Variants in NUP210 observed in about 807,000 individuals in gnomAD.
The protein encoded by NUP210 is nuclear pore membrane glycoprotein 210.
NUP210 carries 151 observed loss-of-function variants against 196.0 expected under a neutral mutation model. That is an observed-to-expected ratio of 0.77 (90% CI 0.67 to 0.88). The LOEUF (loss-of-function observed/expected upper bound fraction) is 0.88, where lower values mean the gene tolerates loss of function less well. Among genes scored for constraint, NUP210 ranks in the 40% least tolerant of loss-of-function variants. NUP210 has a pLI of 0.00. For synonymous variants in NUP210, 1,070 were observed against 1,052.7 expected, an observed-to-expected ratio of 1.02 and a Z score of -0.32; for missense variants, 2,314 against 2,493.7, an observed-to-expected ratio of 0.93 and a Z score of 1.53.
chr3:13,381,420 C>CTTTTCT (rs555112016), intron 6 of NUP210, among the ~76,000 whole-genome samples: 2 of 134,446 alleles, frequency 1.5e-5, no homozygotes, highest in African/African-American at 2.8e-5. Flanking sequence ...CTTTTCTTTT[C>CTTTTCT]TTTTTTTTTT....
At chr3:13,371,428 A>T (rs60139019) in intron 13 of NUP210, among the ~76,000 whole-genome samples, 15,682 of 152,212 alleles carry the variant, frequency 0.1, 1,719 homozygotes, top group African/African-American at 0.28. Flanking sequence ...GTCACCATCA[A>T]AATCCCACAG....
Position 13,375,742 on chromosome 3 carries a change from A to G in NUP210, c.1294-101T>C, listed in dbSNP as rs374325204. The G allele has an allele frequency of 2.5e-5, 33 of 1,315,308 alleles. 1 individual carries two copies. The highest frequency in any genetic ancestry group is 2.4e-4 in the South Asian group (18 of 75,058). 81.5% of individuals were successfully genotyped at this position (1,315,308 alleles called of 1,614,324 possible). A position where few individuals can be genotyped will look rare whatever the true frequency, so the allele number is the denominator to read the frequency against. Reference sequence around the variant, plus strand: ...ACCCCTCCCTGGGGATCGGGTCACAAAGGTGGATTTGGGGGAAGAGTGGAG... The same window carrying G: ...ACCCCTCCCTGGGGATCGGGTCACAGAGGTGGATTTGGGGGAAGAGTGGAG... On this transcript the variant is annotated intron_variant, in intron 10 of 39. Coordinates refer to ENST00000254508, the MANE Select transcript of NUP210 (RefSeq NM_024923.4).
At chr3:13,416,387 G>A (rs867204007) in intron 1 of NUP210, among the ~76,000 whole-genome samples, 16 of 152,144 alleles carry the variant, frequency 1.1e-4, no homozygotes, top group South Asian at 6.2e-4. Flanking sequence ...GAGTGTCTCC[G>A]CCAGAGGCCC....
At chr3:13,318,062 C>T (rs1576333890) in intron 39 of NUP210, among the ~76,000 whole-genome samples, 1 of 152,158 alleles carries the variant, frequency 6.6e-6, no homozygotes, top group East Asian at 1.9e-4. Context: ...GTCCAGGGGG[C>T]ATGAGGCAGG....
chr3:13,388,117 G>A (rs1393847143), intron 5 of NUP210, among the ~76,000 whole-genome samples, 186 bp downstream of exon 5: 1 of 152,128 alleles, frequency 6.6e-6, no homozygotes, highest in African/African-American at 2.4e-5. Flanking sequence ...ACCTTTCTTT[G>A]TAAGCTGAGG....
rs987833326 is a variant in NUP210, at chr3:13,373,356, G to A, written c.1587+362C>T. 3.3e-5 allele frequency among the ~76,000 whole-genome samples: 5 copies of A among 152,232 alleles called. No individual in the cohort carries two copies. In the East Asian group the frequency reaches 5.8e-4, roughly 18 times the overall value. On this transcript the variant is annotated intron_variant, in intron 12 of 39. Coordinates refer to ENST00000254508, the MANE Select transcript of NUP210 (RefSeq NM_024923.4). ...AGAGAGGAGTCTGGCCTGGTCTCTC[G>A]GAGCCTGGTGGTGCCCTTTCACTGT...
chr3:13,420,191 C>A lies in NUP210; in HGVS notation c.36G>T (p.Thr12=). 1 of 1,224,400 alleles carries A rather than the reference C, an allele frequency of 8.2e-7. No homozygotes were observed. The highest frequency in any genetic ancestry group is 1.0e-6 in the Non-Finnish European group (1 of 966,862). The allele number at this position is 1,224,400 out of a possible 1,614,324, so 75.8% of individuals were successfully genotyped here. A position where few individuals can be genotyped will look rare whatever the true frequency, so the allele number is the denominator to read the frequency against. The change falls in exon 1 of 40, where the codon ACG becomes ACT. Residue 12 remains threonine (T), a synonymous_variant. Coordinates refer to ENST00000254508, the MANE Select transcript of NUP210 (RefSeq NM_024923.4). The surrounding 1 kb of genome is among the most constrained non-coding windows in gnomAD (Gnocchi z 4.8). ...AARGRGLLLL[T]LSVLLAAGPS... ...GGCCCGCCGCCAACAGCACCGACAG[C>A]GTCAGCAGCAGCAGCCCCCGGCCCC...
intron 18 of NUP210, among the ~76,000 whole-genome samples, chr3:13,353,351 C>G (rs1438044919): frequency 2.0e-5 from 3 of 152,154 alleles, no homozygotes; most frequent in Non-Finnish European, 4.4e-5. Flanking sequence ...AGAAGCCCTT[C>G]CCATTCCCAC....
intron 1 of NUP210, among the ~76,000 whole-genome samples, chr3:13,412,405 TA>T (rs1014275872): frequency 6.6e-6 from 1 of 151,594 alleles, no homozygotes; most frequent in Admixed American, 6.6e-5. Context: ...TCTTCTTTAC[TA>T]AAAAATTACT....
intron 9 of NUP210, 126 bp downstream of exon 9, chr3:13,377,330 G>A: frequency 2.9e-6 from 2 of 688,328 alleles, no homozygotes; most frequent in Non-Finnish European, 5.2e-6. Context: ...AGCGCCACTA[G>A]AAACAGGACC....
At chr3:13,322,165 C>A (rs1208095450) in intron 35 of NUP210, 28 bp downstream of exon 35, 1 of 1,613,278 alleles carries the variant, frequency 6.2e-7, no homozygotes, top group Non-Finnish European at 8.5e-7. Context: ...TCTCCAAGTC[C>A]CTTTCACTTT....
intron 25 of NUP210, among the ~76,000 whole-genome samples, chr3:13,338,745 C>T (rs1697331280): frequency 6.6e-6 from 1 of 152,196 alleles, no homozygotes; most frequent in Non-Finnish European, 1.5e-5. Context: ...GGGCTCAGAA[C>T]ATGCCTTTCA....
chr3:13,321,570 G>A lies in NUP210; in HGVS notation c.5166+15C>T. ...CTGACTCCGGCCTGGCCTGAGGCAT[G>A]CAGATGCCACTCACCTCCAAGTTCT... On this transcript the variant is annotated intron_variant, in intron 36 of 39. Coordinates refer to ENST00000254508, the MANE Select transcript of NUP210 (RefSeq NM_024923.4). 1 of 1,610,640 alleles carries A rather than the reference G, an allele frequency of 6.2e-7. No homozygotes were observed. Among genetic ancestry groups the A allele is most frequent in the South Asian group, 1.1e-5 (1 of 91,010 alleles).
rs1698915617 is a variant in NUP210, at chr3:13,376,507, C to T, written c.1153-76G>A. On this transcript the variant is annotated intron_variant, in intron 9 of 39. Coordinates refer to ENST00000254508, the MANE Select transcript of NUP210 (RefSeq NM_024923.4). Reference sequence around the variant, plus strand: ...AAGTCAGAATTTGGGCACGAAGCTACAGGACTGAAACCAGCAGCCAGGCCA... The same window carrying T: ...AAGTCAGAATTTGGGCACGAAGCTATAGGACTGAAACCAGCAGCCAGGCCA... 2.5e-6 allele frequency: 4 copies of T among 1,571,292 alleles called. No individual in the cohort carries two copies. The East Asian group carries it at 6.7e-5, about 26-fold the overall frequency.
chr3:13,410,821 G>A (rs1477691786), intron 1 of NUP210, among the ~76,000 whole-genome samples: 3 of 151,506 alleles, frequency 2.0e-5, no homozygotes, highest in African/African-American at 7.3e-5. Flanking sequence ...GGGAGGCTGA[G>A]GCAGGAGAAT....
chr3:13,357,947 G>T (rs957018911), intron 16 of NUP210, among the ~76,000 whole-genome samples: 17 of 152,268 alleles, frequency 1.1e-4, no homozygotes, highest in African/African-American at 4.1e-4. Context: ...CCAAACAAAG[G>T]CAGGCAGCAA....
chr3:13,368,534 T>C (rs1432859748), intron 13 of NUP210, among the ~76,000 whole-genome samples: 1 of 152,198 alleles, frequency 6.6e-6, no homozygotes, highest in African/African-American at 2.4e-5. Context: ...TCCACACAAC[T>C]CTTCAACTTA....
At chr3:13,413,296 TCTCTACTAAAAATA>T (rs1337616818) in intron 1 of NUP210, among the ~76,000 whole-genome samples, 1 of 151,398 alleles carries the variant, frequency 6.6e-6, no homozygotes, top group East Asian at 2.0e-4. Context: ...TGAAACCCCA[TCTCTACTAAAAATA>T]CAAAAAAAAG....
intron 1 of NUP210, among the ~76,000 whole-genome samples, chr3:13,406,939 T>A (rs1266164895): frequency 2.1e-5 from 3 of 144,360 alleles, no homozygotes; most frequent in Non-Finnish European, 4.5e-5. Context: ...CAAGTAGCCC[T>A]CGGGGATGGG....
Sources: allele counts gnomAD v4.1 joint callset (sites outside exome capture counted in the v4.1 genomes callset), GRCh38; gene constraint gnomAD v4.1.1; non-coding constraint Gnocchi (gnomAD v3.1); transcripts MANE v1.5; gene names NCBI Gene and HGNC (gene_info 2026-07-23, HGNC 2026-07-21).